The following HERC1 variants were observed in gnomAD, a reference collection of about 807,000 sequenced individuals.
HERC1 encodes probable E3 ubiquitin-protein ligase HERC1.
A neutral mutation model predicts 554.3 loss-of-function variants in HERC1; 160 were observed. The ratio of observed to expected loss-of-function variants is 0.29; its 90% CI spans 0.25 to 0.33. HERC1 has a LOEUF of 0.33. Ranked by LOEUF, HERC1 falls within the 10% of genes least tolerant of loss-of-function variation. The pLI is 1.00. For synonymous variants in HERC1, 2,175 were observed against 2,131.7 expected (o/e 1.02, Z -0.56); for missense variants, 4,919 against 5,918.5 (o/e 0.83, Z 5.54).
At chr15:63,710,198 A>C (rs1684199133) in intron 24 of HERC1, among the ~76,000 whole-genome samples, 1 of 152,242 alleles carries the variant, frequency 6.6e-6, no homozygotes, top group Non-Finnish European at 1.5e-5. Flanking sequence ...TGCGTGGACT[A>C]GCCATCTCTC....
chr15:63,786,284 A>G (rs992478057), intron 1 of HERC1, among the ~76,000 whole-genome samples: 2 of 151,702 alleles, frequency 1.3e-5, no homozygotes, highest in Non-Finnish European at 2.9e-5. Flanking sequence ...ATTAAAAAAA[A>G]AAAAAAAAAA....
intron 70 of HERC1, among the ~76,000 whole-genome samples, chr15:63,626,585 TC>T (rs1161269178): frequency 1.3e-5 from 2 of 152,162 alleles, no homozygotes; most frequent in African/African-American, 4.8e-5. Flanking sequence ...CAGAGCCAAC[TC>T]CATATTCACT....
rs149457868 is a variant in HERC1, at chr15:63,666,030, C to T, written c.8444G>A (p.Gly2815Glu). Residue 2815 changes from glycine to glutamate, a missense_variant, in exon 42 of 78, where the codon GGA (glycine) becomes GAA (glutamate). Transcript: ENST00000443617. ...CCCGCCACTGCCTAGAACGGCTGCT[C>T]CAGGCCTAGAGTCTGCTGTGCTGCC... ...QSGSTADSRP[G>E]AAVLGSGGKS... The T allele has an allele frequency of 3.8e-4, 606 of 1,614,028 alleles. 4 individuals carry two copies. The East Asian group carries it at 0.013, about 34-fold the overall frequency.
rs147572288 is a variant in HERC1, at chr15:63,651,517, T to C, written c.10419-137A>G. ...TCTGTTTCAAAACCTTGGCTAGCAGTATTTAACAGTTACACACTCATTAAT... is the reference window on the plus strand; with the variant it reads ...TCTGTTTCAAAACCTTGGCTAGCAGCATTTAACAGTTACACACTCATTAAT... On this transcript the variant is annotated intron_variant, in intron 52 of 77. Transcript: ENST00000443617. The C allele has an allele frequency of 2.6e-4, 190 of 744,082 alleles. No homozygotes were observed. In the Middle Eastern group the frequency reaches 4.1e-3, roughly 16 times the overall value. The allele number at this position is 744,082 out of a possible 1,614,324, so 46.1% of individuals were successfully genotyped here. A position where few individuals can be genotyped will look rare whatever the true frequency, so the allele number is the denominator to read the frequency against.
chr15:63,649,308 G>A (rs537348917), intron 54 of HERC1, among the ~76,000 whole-genome samples: 12 of 152,162 alleles, frequency 7.9e-5, no homozygotes, highest in South Asian at 2.1e-4. Flanking sequence ...AGCCGAGATC[G>A]CGCCACTGCA....
chr15:63,798,743 C>A (rs1232047303), intron 1 of HERC1, among the ~76,000 whole-genome samples: 1 of 152,156 alleles, frequency 6.6e-6, no homozygotes, highest in African/African-American at 2.4e-5. Flanking sequence ...CCTAGACCAT[C>A]ATAGTGTTTG....
chr15:63,650,420 T>C (rs2152885225), intron 53 of HERC1, among the ~76,000 whole-genome samples: 1 of 150,806 alleles, frequency 6.6e-6, no homozygotes, highest in Non-Finnish European at 1.5e-5. Context: ...CTGTAACCTT[T>C]TTTTTTTTTT....
At chr15:63,703,030 G>A (rs187111872) in intron 25 of HERC1, among the ~76,000 whole-genome samples, 257 of 150,178 alleles carry the variant, frequency 1.7e-3, no homozygotes, top group African/African-American at 6.0e-3. Context: ...CTTGAACAGG[G>A]ACCCGTGAGG....
intron 71 of HERC1, 32 bp from the exon 72 acceptor site, chr15:63,624,359 T>C: frequency 3.2e-6 from 5 of 1,544,058 alleles, no homozygotes; most frequent in Non-Finnish European, 4.4e-6. Context: ...TCAGAAATGG[T>C]ACAATCTAGG....
rs374960481 is a variant in HERC1 at position 63,654,146 on chromosome 15, A to G, written c.10263T>C (p.Phe3421=). 1.9e-5 allele frequency: 31 copies of G among 1,613,734 alleles called. No homozygotes were observed. Among genetic ancestry groups the G allele is most frequent in the Non-Finnish European group, 2.6e-5 (31 of 1,179,708 alleles). ...TGTTCTGATGAGCCTCCAATTTGAT[A>G]AAGGAGCATTTTCTAAGATCTCCTC... ...DMGGDLRKCS[F]IKLEAHQNRV... Residue 3421 remains phenylalanine (F), a synonymous_variant, in exon 51 of 78, where the codon TTT becomes TTC. Transcript: ENST00000443617.
In HERC1 at chr15:63,674,845, T is replaced by C; in HGVS notation, c.7343A>G (p.Asp2448Gly). The change falls in exon 38 of 78, where the codon GAC (aspartate) becomes GGC (glycine). Residue 2448 changes from aspartate (D) to glycine (G), a missense_variant. By Grantham distance (94) the Asp-to-Gly change is moderately conservative. Coordinates refer to ENST00000443617, the MANE Select transcript of HERC1 (RefSeq NM_003922.4). ...GCTTGTGGTACTCTGACTTTTGACGTCATCAGATGTTAGGCCTGTTCGCAT... is the reference window on the plus strand; with the variant it reads ...GCTTGTGGTACTCTGACTTTTGACGCCATCAGATGTTAGGCCTGTTCGCAT... ...LDMRTGLTSD[D>G]VKSQSTTSSK... 1 of 1,613,676 alleles carries C rather than the reference T, an allele frequency of 6.2e-7. No homozygotes were observed. The highest frequency in any genetic ancestry group is 8.5e-7 in the Non-Finnish European group (1 of 1,179,706).
chr15:63,665,402 A>G (rs919907048), intron 42 of HERC1, among the ~76,000 whole-genome samples: 1 of 152,118 alleles, frequency 6.6e-6, no homozygotes, highest in Admixed American at 6.5e-5. Flanking sequence ...GCATGGTGGC[A>G]CATGCCTATA....
In HERC1 at chr15:63,722,146, G is replaced by A. The variant is rs562982275; in HGVS notation, c.3742+1036C>T. ...CTCCCAAAGTGCTGAGATTACAGGC[G>A]TGAGCCACTGTGCCCAGCCTATAAA... is the stretch of plus-strand genomic sequence containing the variant. On this transcript the variant is annotated intron_variant, in intron 19 of 77. Transcript: ENST00000443617. Among the ~76,000 whole-genome samples the A allele has an allele frequency of 8.5e-5, 13 of 152,272 alleles. 1 individual carries two copies. The highest frequency in any genetic ancestry group is 3.4e-3 in the Middle Eastern group (1 of 294).
intron 26 of HERC1, 124 bp downstream of exon 26, chr15:63,698,604 C>G: frequency 1.1e-6 from 1 of 906,254 alleles, no homozygotes. Flanking sequence ...TTTAAAAGCT[C>G]AGGTACAGGA....
At chr15:63,647,961 TG>T (rs1190013223) in intron 55 of HERC1, 107 bp downstream of exon 55, 1 of 845,686 alleles carries the variant, frequency 1.2e-6, no homozygotes, top group Non-Finnish European at 1.9e-6. Context: ...GTATGTCATT[TG>T]GGTGATGGAT....
At chr15:63,654,015 A>G in intron 51 of HERC1, 104 bp downstream of exon 51, 1 of 824,850 alleles carries the variant, frequency 1.2e-6, no homozygotes, top group Non-Finnish European at 2.0e-6. Context: ...TGTGAAAGAG[A>G]GTGACACAAA....
rs553838704 is a variant in HERC1, at chr15:63,635,921, A to G, written c.12414+40T>C. Reference sequence around the variant, plus strand: ...AAGAAACCTATTCAACAACTAGTATATTTACAATGAAAGGCAAACTTATCC... The same window carrying G: ...AAGAAACCTATTCAACAACTAGTATGTTTACAATGAAAGGCAAACTTATCC... On this transcript the variant is annotated intron_variant, in intron 65 of 77. Coordinates refer to ENST00000443617, the MANE Select transcript of HERC1 (RefSeq NM_003922.4). 2.0e-4 allele frequency: 319 copies of G among 1,601,688 alleles called. No individual in the cohort carries two copies. In the East Asian group the frequency reaches 6.9e-3, roughly 35 times the overall value.
chr15:63,640,040 G>A (rs755974407), intron 61 of HERC1, 112 bp downstream of exon 61: 16 of 1,010,142 alleles, frequency 1.6e-5, no homozygotes, highest in Non-Finnish European at 2.3e-5. Flanking sequence ...TTTCTCTTAA[G>A]GGTATCCTTC....
At chr15:63,733,434 C>A (rs1026938247) in intron 13 of HERC1, among the ~76,000 whole-genome samples, 2 of 152,098 alleles carry the variant, frequency 1.3e-5, no homozygotes, top group Non-Finnish European at 2.9e-5. Context: ...GAGAGGAGTA[C>A]GAAATGCCAA....
Sources: allele counts gnomAD v4.1 joint callset (sites outside exome capture counted in the v4.1 genomes callset), GRCh38; gene constraint gnomAD v4.1.1; transcripts MANE v1.5; gene names NCBI Gene and HGNC (gene_info 2026-07-23, HGNC 2026-07-21).